The following NRG1 variants were observed in gnomAD, a reference collection of about 807,000 sequenced individuals.
NRG1 encodes pro-neuregulin-1, membrane-bound isoform.
A neutral mutation model predicts 63.8 loss-of-function variants in NRG1; 18 were observed. The ratio of observed to expected loss-of-function variants is 0.28; its 90% CI spans 0.19 to 0.42. The LOEUF is 0.42. NRG1 is among the 10% of genes least tolerant of loss of function. The pLI is 1.00. For missense variants in NRG1, 762 were observed against 814.7 expected (o/e 0.94, Z 0.79); for synonymous variants, 302 against 301.3 (o/e 1.00, Z -0.02).
chr8:31,776,444 G>A (rs1348262616), intron 1 of NRG1, among the ~76,000 whole-genome samples: 1 of 152,174 alleles, frequency 6.6e-6, no homozygotes, highest in East Asian at 1.9e-4. Flanking sequence ...ACTTGAGCAA[G>A]TATTAGAATA....
chr8:32,678,798 G>A (rs935124990), intron 5 of NRG1, among the ~76,000 whole-genome samples: 1 of 152,136 alleles, frequency 6.6e-6, no homozygotes, highest in Admixed American at 6.6e-5. Context: ...ACAGCACCCA[G>A]ACTAGTACAA....
At chr8:32,648,390 T>TAGAGAG in intron 5 of NRG1, 1 of 1,581,336 alleles carries the variant, frequency 6.3e-7, no homozygotes, top group South Asian at 1.1e-5. Flanking sequence ...ACTTTGTAAG[T>TAGAGAG]AGAGAGAGAG....
At chr8:32,291,708 A>T (rs1319703244) in intron 1 of NRG1, among the ~76,000 whole-genome samples, 1 of 151,514 alleles carries the variant, frequency 6.6e-6, no homozygotes. Flanking sequence ...ACTCCCGGCT[A>T]ATTTGTTCGT....
intron 1 of NRG1, among the ~76,000 whole-genome samples, chr8:31,659,974 A>G (rs186215012): frequency 9.9e-5 from 15 of 152,284 alleles, no homozygotes; most frequent in Non-Finnish European, 1.9e-4. Context: ...TGGCATCATT[A>G]TACTCATTTT....
chr8:32,285,728 G>A (rs1563271185), intron 1 of NRG1, among the ~76,000 whole-genome samples: 2 of 152,170 alleles, frequency 1.3e-5, no homozygotes, highest in African/African-American at 4.8e-5. Flanking sequence ...TCTAGGTGAT[G>A]TTTTTATTAG....
At chr8:31,986,011 A>G (rs1810004143) in intron 1 of NRG1, among the ~76,000 whole-genome samples, 2 of 152,138 alleles carry the variant, frequency 1.3e-5, no homozygotes, top group Admixed American at 6.6e-5. Context: ...ACATCCATTT[A>G]TAACTTATCC....
At chr8:32,770,049 C>A (rs1222739367), downstream of NRG1, among the ~76,000 whole-genome samples, 1 of 152,140 alleles carries the variant, frequency 6.6e-6, no homozygotes, top group Non-Finnish European at 1.5e-5. Context: ...CACCCAGGAT[C>A]TCTTTCTAAC....
chr8:32,740,692 A>G (rs1826119667), intron 6 of NRG1, among the ~76,000 whole-genome samples: 1 of 152,236 alleles, frequency 6.6e-6, no homozygotes, highest in Non-Finnish European at 1.5e-5. Context: ...TGAAACTGCT[A>G]GTATTTTATC....
At chr8:32,204,614 A>G (rs7009114) in intron 1 of NRG1, among the ~76,000 whole-genome samples, 5,044 of 152,300 alleles carry the variant, frequency 0.033, 127 homozygotes, top group African/African-American at 0.063. Context: ...GAGAAATAAC[A>G]TTTGTGAAAA....
At chr8:31,918,917 T>C (rs1833652692) in intron 1 of NRG1, among the ~76,000 whole-genome samples, 1 of 152,196 alleles carries the variant, frequency 6.6e-6, no homozygotes, top group Admixed American at 6.5e-5. Flanking sequence ...AACTTCCTCC[T>C]GGTTTAGTCT....
intron 1 of NRG1, among the ~76,000 whole-genome samples, chr8:32,215,702 A>T (rs1845146604): frequency 6.6e-6 from 1 of 152,170 alleles, no homozygotes; most frequent in African/African-American, 2.4e-5. Flanking sequence ...AGTAAGGAAA[A>T]TTTTTGACTT....
chr8:32,419,838 G>T (rs755973558), intron 1 of NRG1, among the ~76,000 whole-genome samples: 17 of 152,236 alleles, frequency 1.1e-4, no homozygotes, highest in Non-Finnish European at 1.8e-4. Flanking sequence ...TTACATTTAT[G>T]CAAAGTGAAA....
chr8:31,707,862 A>T (rs879687558), intron 1 of NRG1, among the ~76,000 whole-genome samples: 1 of 152,142 alleles, frequency 6.6e-6, no homozygotes, highest in Non-Finnish European at 1.5e-5. Context: ...GTAGTAAATA[A>T]TTCCTTTGTT....
chr8:32,683,115 C>T (rs900945342), intron 5 of NRG1, among the ~76,000 whole-genome samples: 1 of 152,144 alleles, frequency 6.6e-6, no homozygotes, highest in African/African-American at 2.4e-5. Flanking sequence ...TTTGGATCAG[C>T]TTTATAAAGA....
intron 1 of NRG1, among the ~76,000 whole-genome samples, chr8:32,226,831 A>G (rs1243611659): frequency 1.3e-5 from 2 of 152,168 alleles, no homozygotes; most frequent in Non-Finnish European, 2.9e-5. Flanking sequence ...AGTTGTTTTG[A>G]CTTCACAACA....
intron 1 of NRG1, among the ~76,000 whole-genome samples, chr8:32,451,885 G>A (rs950316219): frequency 1.7e-4 from 26 of 152,220 alleles, no homozygotes; most frequent in African/African-American, 5.8e-4. Context: ...GAGTGCAGTG[G>A]TATGATGTTG....
intron 5 of NRG1, among the ~76,000 whole-genome samples, chr8:32,689,386 A>G (rs1040741283): frequency 6.6e-6 from 1 of 152,162 alleles, no homozygotes; most frequent in Non-Finnish European, 1.5e-5. Flanking sequence ...ATATTTGAAA[A>G]TAACATAAAG....
intron 1 of NRG1, among the ~76,000 whole-genome samples, chr8:32,508,145 C>A (rs543512961): frequency 6.6e-6 from 1 of 152,320 alleles, no homozygotes; most frequent in African/African-American, 2.4e-5. Flanking sequence ...GTGGCACATG[C>A]CTATAGTCCT....
intron 5 of NRG1, among the ~76,000 whole-genome samples, chr8:32,671,000 A>G (rs1021803994): frequency 6.6e-6 from 1 of 152,134 alleles, no homozygotes. Context: ...CTAGACCCAG[A>G]TTTCTGTTAG....
Sources: allele counts gnomAD v4.1 joint callset (sites outside exome capture counted in the v4.1 genomes callset), GRCh38; gene constraint gnomAD v4.1.1; transcripts MANE v1.5; gene names NCBI Gene and HGNC (gene_info 2026-07-23, HGNC 2026-07-21).